The following MEI4 variants were observed in gnomAD, a reference collection of about 807,000 sequenced individuals.
MEI4 encodes meiosis-specific protein MEI4.
MEI4 carries 27 observed loss-of-function variants against 31.4 expected under a neutral mutation model. The ratio of observed to expected loss-of-function variants is 0.86; its 90% CI spans 0.63 to 1.19. MEI4 has a LOEUF of 1.19. Among genes scored for constraint, MEI4 ranks in the 50% most tolerant of loss-of-function variants. The probability of loss-of-function intolerance (pLI) is 0.00; values close to 1 mark genes in which losing one functional copy is unlikely to be tolerated. For synonymous variants in MEI4, 122 were observed against 145.4 expected (o/e 0.84, Z 1.16); for missense variants, 329 against 398.9 (o/e 0.82, Z 1.49).
intron 2 of MEI4, among the ~76,000 whole-genome samples, chr6:77,743,461 A>AATCACAAG (rs1561969572): frequency 6.6e-6 from 1 of 152,144 alleles, no homozygotes; most frequent in Non-Finnish European, 1.5e-5. Flanking sequence ...TGATTTTTGT[A>AATCACAAG]CATTGATTTT....
At chr6:77,901,364 C>G (rs2127735206) in intron 4 of MEI4, among the ~76,000 whole-genome samples, 3 of 152,080 alleles carry the variant, frequency 2.0e-5, no homozygotes, top group Admixed American at 2.0e-4. Flanking sequence ...TCTCCATACC[C>G]TCACCAACAG....
intron 4 of MEI4, among the ~76,000 whole-genome samples, chr6:77,838,985 C>CA (rs1034598147): frequency 1.7e-4 from 26 of 151,158 alleles, no homozygotes; most frequent in African/African-American, 5.8e-4. Context: ...AAAATGAAGG[C>CA]AAAAAAAACT....
chr6:77,755,953 A>G lies in MEI4; in HGVS notation c.233-5177A>G, dbSNP rs150166485. On this transcript the variant is annotated intron_variant, in intron 2 of 4. Transcript: ENST00000684080. ...CTGCACAATAATAAATGAAGGCAGAAACTTTATTTGACTTTTGCTTTACCT... is the reference window on the plus strand; with the variant it reads ...CTGCACAATAATAAATGAAGGCAGAGACTTTATTTGACTTTTGCTTTACCT... 1.4e-3 allele frequency among the ~76,000 whole-genome samples: 213 copies of G among 152,174 alleles called. 1 individual carries two copies. The highest frequency in any genetic ancestry group is 4.5e-3 in the African/African-American group (187 of 41,520).
At chr6:77,833,723 C>T (rs537937078) in intron 4 of MEI4, among the ~76,000 whole-genome samples, 3 of 152,046 alleles carry the variant, frequency 2.0e-5, no homozygotes, top group Non-Finnish European at 4.4e-5. Flanking sequence ...CACCCATCAA[C>T]CCGTCATCTA....
chr6:77,845,720 T>C (rs915429340), intron 4 of MEI4, among the ~76,000 whole-genome samples: 2 of 152,132 alleles, frequency 1.3e-5, no homozygotes, highest in Non-Finnish European at 2.9e-5. Context: ...ACTTTTATTA[T>C]GTATTTTAAT....
chr6:77,823,453 G>T (rs1769875182), intron 3 of MEI4, among the ~76,000 whole-genome samples: 1 of 152,170 alleles, frequency 6.6e-6, no homozygotes, highest in African/African-American at 2.4e-5. Context: ...AGTTCCAGTG[G>T]TCATTTCTCT....
At chr6:77,909,208 A>T (rs1476067697) in intron 4 of MEI4, among the ~76,000 whole-genome samples, 1 of 151,908 alleles carries the variant, frequency 6.6e-6, no homozygotes, top group Non-Finnish European at 1.5e-5. Flanking sequence ...CTCACTCAAA[A>T]CCGCTCAACT....
intron 2 of MEI4, among the ~76,000 whole-genome samples, chr6:77,745,239 G>T (rs1243804659): frequency 6.6e-6 from 1 of 152,122 alleles, no homozygotes; most frequent in Non-Finnish European, 1.5e-5. Flanking sequence ...CACGTGCAGA[G>T]ACACACATAG....
intron 4 of MEI4, among the ~76,000 whole-genome samples, chr6:77,869,814 G>A (rs1331081736): frequency 6.6e-6 from 1 of 152,164 alleles, no homozygotes; most frequent in African/African-American, 2.4e-5. Context: ...GGAAGCAAGT[G>A]CAGAAGTCTT....
intron 1 of MEI4, among the ~76,000 whole-genome samples, chr6:77,654,169 A>G (rs559247524): frequency 3.3e-5 from 5 of 152,270 alleles, no homozygotes; most frequent in African/African-American, 1.2e-4. Context: ...CAGTTTTCCA[A>G]TCTCTGATTT....
At chr6:77,918,987 G>C (rs1474224742) in intron 4 of MEI4, among the ~76,000 whole-genome samples, 1 of 151,648 alleles carries the variant, frequency 6.6e-6, no homozygotes, top group African/African-American at 2.4e-5. Context: ...AAGGGTTGTT[G>C]AATTATAAAG....
At chr6:77,665,851 C>G (rs1582003016) in intron 1 of MEI4, among the ~76,000 whole-genome samples, 1 of 152,098 alleles carries the variant, frequency 6.6e-6, no homozygotes, top group Non-Finnish European at 1.5e-5. Flanking sequence ...AGGTCGCTTA[C>G]CTGATTTAAA....
Position 77,801,031 on chromosome 6 carries a change from CT to C in MEI4, c.769-27895del, listed in dbSNP as rs201711689. On this transcript the variant is annotated intron_variant, in intron 3 of 4. Coordinates refer to ENST00000684080, the MANE Select transcript of MEI4 (RefSeq NM_001322247.2). ...TAAAATGAGTTAGGGAGGATTCCCT[CT>C]TTTTCTATTGATTGGAATAATTTCA... 0.023 allele frequency among the ~76,000 whole-genome samples: 3,429 copies of C among 152,248 alleles called. 323 individuals are homozygous for C. The East Asian group carries it at 0.3, about 14-fold the overall frequency.
intron 2 of MEI4, among the ~76,000 whole-genome samples, chr6:77,696,220 T>C (rs1175231547): frequency 6.6e-6 from 1 of 152,188 alleles, no homozygotes; most frequent in Non-Finnish European, 1.5e-5. Context: ...ACAGGGACAA[T>C]TTGACTTCCT....
rs1328779966 is a variant in MEI4 at position 77,824,373 on chromosome 6, A to G, written c.769-4558A>G. On this transcript the variant is annotated intron_variant, in intron 3 of 4. Transcript: ENST00000684080. ...GCCTGGCCTCCCAAAGTCACTACATATATTCTTATGTATATTTTTAATCTA... is the reference window on the plus strand; with the variant it reads ...GCCTGGCCTCCCAAAGTCACTACATGTATTCTTATGTATATTTTTAATCTA... 3.9e-5 allele frequency among the ~76,000 whole-genome samples: 6 copies of G among 152,096 alleles called. 1 individual carries two copies. The highest frequency in any genetic ancestry group is 1.3e-4 in the Admixed American group (2 of 15,254).
intron 4 of MEI4, among the ~76,000 whole-genome samples, chr6:77,906,658 G>A (rs936252791): frequency 2.0e-5 from 3 of 152,200 alleles, no homozygotes; most frequent in Admixed American, 1.3e-4. Context: ...GGAGTCCGAT[G>A]AGTTGGTCAA....
intron 4 of MEI4, among the ~76,000 whole-genome samples, chr6:77,830,072 T>C (rs1277920078): frequency 1.3e-5 from 2 of 152,026 alleles, no homozygotes; most frequent in Admixed American, 6.6e-5. Context: ...AGGAGCAAAG[T>C]GTTAAAATGT....
intron 3 of MEI4, among the ~76,000 whole-genome samples, chr6:77,785,739 C>G (rs1030392543): frequency 6.6e-6 from 1 of 151,986 alleles, no homozygotes; most frequent in Non-Finnish European, 1.5e-5. Context: ...TGCTTTTCTT[C>G]GTTAGAGAGC....
chr6:77,741,642 A>T (rs907724042), intron 2 of MEI4, among the ~76,000 whole-genome samples: 19 of 152,134 alleles, frequency 1.2e-4, no homozygotes, highest in Admixed American at 2.6e-4. Context: ...TTTTTAATTT[A>T]AGTTTTAGGG....
Sources: allele counts gnomAD v4.1 joint callset (sites outside exome capture counted in the v4.1 genomes callset), GRCh38; gene constraint gnomAD v4.1.1; transcripts MANE v1.5; gene names NCBI Gene and HGNC (gene_info 2026-07-23, HGNC 2026-07-21).